Variants in RTTN observed in about 807,000 individuals in gnomAD.
RTTN encodes rotatin.
RTTN carries 182 observed loss-of-function variants against 269.2 expected under a neutral mutation model. The ratio of observed to expected loss-of-function variants is 0.68; its 90% confidence interval spans 0.60 to 0.76. RTTN has a LOEUF of 0.76. RTTN is among the 30% of genes least tolerant of loss of function. The pLI, the probability that RTTN is intolerant of heterozygous loss-of-function variation, is 0.00. For missense variants in RTTN, 2,545 were observed against 2,608.6 expected (o/e 0.98, Z 0.53); for synonymous variants, 1,006 against 963.5 (o/e 1.04, Z -0.82).
At chr18:70,054,089 GTA>G (rs1161212864) in intron 38 of RTTN, 40 bp downstream of exon 38, 1 of 1,530,188 alleles carries the variant, frequency 6.5e-7, no homozygotes, top group African/African-American at 1.4e-5. Context: ...TTTTTCCTCA[GTA>G]TTATTCACTT....
chr18:70,175,644 A>C (rs2061271834), intron 11 of RTTN, among the ~76,000 whole-genome samples: 1 of 152,092 alleles, frequency 6.6e-6, no homozygotes, highest in Admixed American at 6.6e-5. Flanking sequence ...AAAAAAAAAA[A>C]AAATCCCTTA....
intron 40 of RTTN, among the ~76,000 whole-genome samples, chr18:70,031,756 G>A (rs2057018861): frequency 6.6e-6 from 1 of 151,332 alleles, no homozygotes; most frequent in Admixed American, 6.6e-5. Context: ...GGGACACCAG[G>A]AAGACTGGCA....
intron 28 of RTTN, among the ~76,000 whole-genome samples, chr18:70,100,287 G>A (rs1236232403): frequency 1.3e-5 from 2 of 150,174 alleles, no homozygotes; most frequent in African/African-American, 5.1e-5. Flanking sequence ...CCTTGAAGAC[G>A]TCCTTCACAT....
chr18:70,142,146 C>T, intron 19 of RTTN, 142 bp downstream of exon 19: 1 of 583,692 alleles, frequency 1.7e-6, no homozygotes, highest in South Asian at 2.3e-5. Context: ...GATGCAAAAA[C>T]CATTCTTGAG....
chr18:70,049,427 A>G (rs2057590232), intron 39 of RTTN, among the ~76,000 whole-genome samples: 1 of 152,154 alleles, frequency 6.6e-6, no homozygotes, highest in Non-Finnish European at 1.5e-5. Context: ...ATGATATCCT[A>G]CGTGGACACT....
chr18:70,168,476 C>T (rs921997671), intron 12 of RTTN, among the ~76,000 whole-genome samples: 6 of 151,980 alleles, frequency 3.9e-5, no homozygotes, highest in Admixed American at 2.0e-4. Flanking sequence ...AATATTGAGG[C>T]AAAAATATGT....
At chr18:70,169,156 A>G in intron 11 of RTTN, 89 bp from the exon 12 acceptor site, 1 of 890,076 alleles carries the variant, frequency 1.1e-6, no homozygotes, top group South Asian at 2.7e-5. Context: ...TCTTAATCTA[A>G]TCCAACTTCC....
At chr18:70,090,996 G>A (rs1209095070) in intron 30 of RTTN, among the ~76,000 whole-genome samples, 1 of 152,086 alleles carries the variant, frequency 6.6e-6, no homozygotes, top group African/African-American at 2.4e-5. Flanking sequence ...TCTCTCTTTT[G>A]GAATGGGAAT....
Position 70,051,503 on chromosome 18 carries a change from A to C in RTTN, c.5231T>G (p.Phe1744Cys). The C allele has an allele frequency of 6.2e-7, 1 of 1,612,020 alleles. No homozygotes were observed. The highest frequency in any genetic ancestry group is 2.2e-5 in the East Asian group (1 of 44,858). Residue 1744 changes from phenylalanine (F) to cysteine (C), a missense_variant, in exon 39 of 49, where the codon TTT (phenylalanine) becomes TGT (cysteine). Physicochemically the swap from Phe to Cys is radical, Grantham distance 205. Coordinates refer to ENST00000640769, the MANE Select transcript of RTTN (RefSeq NM_173630.4). ...CCTCAGGAGCATGGCCAGAAGATTAAATAAATGTGTCCATGTGTGATAAAA... is the reference window on the plus strand; with the variant it reads ...CCTCAGGAGCATGGCCAGAAGATTACATAAATGTGTCCATGTGTGATAAAA... The part of the protein sequence containing the change: ...SAFYHTWTHL[F>C]NLLAMLLRKA...
At chr18:70,119,079 C>T (rs2059670916) in intron 26 of RTTN, among the ~76,000 whole-genome samples, 1 of 151,856 alleles carries the variant, frequency 6.6e-6, no homozygotes, top group Non-Finnish European at 1.5e-5. Context: ...AAATCCTAGC[C>T]AGAGCAATTA....
intron 27 of RTTN, among the ~76,000 whole-genome samples, chr18:70,113,765 T>C (rs113563132): frequency 3.9e-5 from 6 of 152,312 alleles, no homozygotes; most frequent in Non-Finnish European, 5.9e-5. Context: ...GGAAACATGA[T>C]GCTAAGTGAA....
At chr18:70,095,855 G>C (rs1240515738) in intron 28 of RTTN, among the ~76,000 whole-genome samples, 2 of 151,960 alleles carry the variant, frequency 1.3e-5, no homozygotes, top group African/African-American at 4.8e-5. Context: ...TGATAGGTTG[G>C]GGAAGTTCTC....
At chr18:70,124,270 T>C (rs1041478711) in intron 25 of RTTN, among the ~76,000 whole-genome samples, 22 of 152,132 alleles carry the variant, frequency 1.4e-4, no homozygotes, top group Middle Eastern at 3.4e-3. Context: ...AAAAACAGAA[T>C]GAATATCCTT....
intron 21 of RTTN, among the ~76,000 whole-genome samples, chr18:70,138,088 G>A (rs1179500980): frequency 6.6e-6 from 1 of 152,136 alleles, no homozygotes; most frequent in African/African-American, 2.4e-5. Flanking sequence ...AGACCAGCCT[G>A]GCCAACATGG....
At position 70,196,490 on chromosome 18, in the gene RTTN, A is replaced by G. The variant is rs114480216; in HGVS notation, c.841+11T>C. ...AACACCAGTGGCTAATGAACAGATAAAAATAAATACCGTGTTTATTGGAGA... is the reference window on the plus strand; with the variant it reads ...AACACCAGTGGCTAATGAACAGATAGAAATAAATACCGTGTTTATTGGAGA... On this transcript the variant is annotated intron_variant, in intron 7 of 48. Transcript: ENST00000640769. The G allele has an allele frequency of 1.3e-3, 2,077 of 1,602,400 alleles. 26 individuals carry two copies. In the African/African-American group the frequency reaches 0.024, roughly 18 times the overall value.
intron 39 of RTTN, among the ~76,000 whole-genome samples, chr18:70,050,467 T>G (rs989512081): frequency 2.6e-5 from 4 of 152,194 alleles, no homozygotes; most frequent in Non-Finnish European, 5.9e-5. Context: ...ACTTTTACAC[T>G]GCTGGTGGGA....
intron 14 of RTTN, among the ~76,000 whole-genome samples, chr18:70,154,668 T>C (rs896019594): frequency 2.6e-5 from 4 of 152,160 alleles, no homozygotes; most frequent in Non-Finnish European, 5.9e-5. Context: ...CTTTCTTCCC[T>C]GTAGTCTTTA....
At chr18:70,036,743 G>A (rs2057184980) in intron 40 of RTTN, among the ~76,000 whole-genome samples, 1 of 152,168 alleles carries the variant, frequency 6.6e-6, no homozygotes, top group Non-Finnish European at 1.5e-5. Context: ...CAGAATAGAA[G>A]CCTATACTGT....
intron 14 of RTTN, among the ~76,000 whole-genome samples, chr18:70,158,073 A>G (rs1248786722): frequency 1.3e-5 from 2 of 152,194 alleles, no homozygotes; most frequent in Non-Finnish European, 2.9e-5. Flanking sequence ...AGGCAGGTCA[A>G]TAAGCAAATT....
Sources: gnomAD v4.1 joint callset for allele counts (sites outside exome capture counted in the v4.1 genomes callset) on GRCh38, gnomAD v4.1.1 for gene constraint, MANE v1.5 for transcripts, NCBI Gene and HGNC (gene_info 2026-07-23, HGNC 2026-07-21) for gene names.